Variants in ERO1B observed in about 807,000 individuals in gnomAD.
ERO1B encodes the protein endoplasmic reticulum oxidoreductase 1 beta.
A neutral mutation model predicts 75.3 loss-of-function variants in ERO1B; 49 were observed. That is an observed-to-expected ratio of 0.65 (90% confidence interval 0.52 to 0.83). The LOEUF (loss-of-function observed/expected upper bound fraction) is 0.83. Among genes scored for constraint, ERO1B ranks in the 40% least tolerant of loss-of-function variants. The pLI is 0.00. For missense variants in ERO1B, 512 were observed against 560.1 expected, an observed-to-expected ratio of 0.91 and a Z score of 0.87; for synonymous variants, 191 against 192.9, an observed-to-expected ratio of 0.99 and a Z score of 0.08.
intron 2 of ERO1B, among the ~76,000 whole-genome samples, chr1:236,269,397 A>G (rs545659366): frequency 1.3e-5 from 2 of 152,156 alleles, no homozygotes; most frequent in Non-Finnish European, 2.9e-5. Context: ...CTATTACTAG[A>G]TTTAAGAACC....
chr1:236,260,664 C>CA (rs35701591), intron 2 of ERO1B, among the ~76,000 whole-genome samples: 11,413 of 127,100 alleles, frequency 0.09, 881 homozygotes, highest in East Asian at 0.4. Flanking sequence ...GAGTTGGTCT[C>CA]AAAAAAAAAA....
rs1192823070 is a variant in ERO1B, at chr1:236,226,383, GCT to G, written c.936_937del (p.Ala313PhefsTer9). The G allele has an allele frequency of 1.2e-6, 2 of 1,613,960 alleles. No individual in the cohort carries two copies. The highest frequency in any genetic ancestry group is 2.7e-5 in the African/African-American group (2 of 74,916). On this transcript the variant is annotated frameshift_variant, in exon 12 of 16. Coordinates refer to ENST00000354619, the MANE Select transcript of ERO1B (RefSeq NM_019891.4). LOFTEE classifies it high-confidence loss of function. ...AAAATATGGAGCCACCTTTGACAAA[GCT>G]CGAAGCTCAATCAAGTATAAAAAGT...
rs764626814 is a variant in ERO1B, at chr1:236,269,949, C to A, written c.148G>T (p.Asp50Tyr). The change falls in exon 2 of 16, where the codon GAT becomes TAT. Residue 50 changes from aspartate to tyrosine, a missense_variant. By Grantham distance (160) the Asp-to-Tyr change is radical. Transcript: ENST00000354619. ...DDCLCDIDSI[D>Y]NFNTYKIFPK... ...AAGATTTTGTAGGTATTGAAGTTAT[C>A]GATGCTGTCAATATCACACAAGCAA... The A allele has an allele frequency of 6.2e-7, 1 of 1,604,236 alleles. No individual in the cohort carries two copies. The highest frequency in any genetic ancestry group is 8.5e-7 in the Non-Finnish European group (1 of 1,171,486).
chr1:236,259,028 T>C (rs1348174781), intron 2 of ERO1B, among the ~76,000 whole-genome samples: 1 of 152,028 alleles, frequency 6.6e-6, no homozygotes, highest in African/African-American at 2.4e-5. Context: ...GACAAAATAT[T>C]AAAAATAAAT....
At chr1:236,236,527 A>T in intron 6 of ERO1B, 129 bp from the exon 7 acceptor site, 2 of 879,322 alleles carry the variant, frequency 2.3e-6, no homozygotes, top group Non-Finnish European at 1.7e-6. Flanking sequence ...TCCAACTTAA[A>T]TGGTATAGTG....
In ERO1B at chr1:236,281,899, A is replaced by C; in HGVS notation, c.-116T>G. ...AGCGGCCGAGCGACTCCAGGGTCAG[A>C]GGTCTGCACTCCAGTCCGGAGGCAG... On this transcript the variant is annotated 5_prime_UTR_variant, in exon 1 of 16. Coordinates refer to ENST00000354619, the MANE Select transcript of ERO1B (RefSeq NM_019891.4). 2 of 637,024 alleles carry C rather than the reference A, an allele frequency of 3.1e-6. No individual in the cohort carries two copies. The highest frequency in any genetic ancestry group is 4.6e-6 in the Non-Finnish European group (2 of 436,394). The allele number at this position is 637,024 out of a possible 1,614,324, so 39.5% of individuals were successfully genotyped here. A position where few individuals can be genotyped will look rare whatever the true frequency, so the allele number is the denominator to read the frequency against.
intron 2 of ERO1B, among the ~76,000 whole-genome samples, chr1:236,256,231 A>G (rs1027979761): frequency 1.3e-5 from 2 of 152,120 alleles, no homozygotes; most frequent in African/African-American, 4.8e-5. Flanking sequence ...GCAACCTCTC[A>G]TTAGAAGGAG....
chr1:236,262,888 C>A lies in ERO1B; in HGVS notation c.222+6987G>T, dbSNP rs2102962175. Among the ~76,000 whole-genome samples the A allele has an allele frequency of 1.3e-5, 2 of 152,206 alleles. 1 individual carries two copies. The highest frequency in any genetic ancestry group is 4.8e-5 in the African/African-American group (2 of 41,532). On this transcript the variant is annotated intron_variant, in intron 2 of 15. Transcript: ENST00000354619. ...GGTAGACAAGCTTGGGTGAAAAGAA[C>A]CACCTTACCCAAGATTGGATCCTTA...
intron 4 of ERO1B, among the ~76,000 whole-genome samples, chr1:236,250,618 TCAAACGTGTGTGTGC>T (rs1665001832): frequency 9.1e-6 from 1 of 110,236 alleles, no homozygotes; most frequent in Non-Finnish European, 1.9e-5. Context: ...TATATATATA[TCAAACGTGTGTGTGC>T]AAACATATAT....
intron 2 of ERO1B, among the ~76,000 whole-genome samples, chr1:236,262,603 C>T (rs1665317548): frequency 6.6e-6 from 1 of 151,996 alleles, no homozygotes; most frequent in Non-Finnish European, 1.5e-5. Flanking sequence ...TGGGGTTTCA[C>T]CATGTTGGCC....
intron 2 of ERO1B, among the ~76,000 whole-genome samples, chr1:236,258,825 G>A (rs1257591791): frequency 5.9e-5 from 9 of 152,174 alleles, no homozygotes; most frequent in Non-Finnish European, 8.8e-5. Context: ...GGAGGCGGAC[G>A]TTGCAGTGAG....
intron 13 of ERO1B, among the ~76,000 whole-genome samples, chr1:236,222,581 T>TA (rs1258871005): frequency 3.9e-5 from 6 of 152,244 alleles, no homozygotes; most frequent in African/African-American, 1.4e-4. Flanking sequence ...CTATGGGAGA[T>TA]ACAAAAGTAA....
rs550043464 is a variant in ERO1B at position 236,277,962 on chromosome 1, A to T, written c.102+3720T>A. Among the ~76,000 whole-genome samples, 8 of 152,290 alleles carry T rather than the reference A, an allele frequency of 5.3e-5. No individual in the cohort carries two copies. The South Asian group carries it at 1.7e-3, about 32-fold the overall frequency. The stretch of plus-strand genomic sequence containing the variant: ...AACACATTAAACATAGTGATATTAA[A>T]TTATCTGATAATTTCAGAACCTAAG... On this transcript the variant is annotated intron_variant, in intron 1 of 15. Transcript: ENST00000354619.
At chr1:236,281,579 GGCCCGGCCCT>G (rs11281666) in intron 1 of ERO1B, 93 bp downstream of exon 1, 25 of 618,832 alleles carry the variant, frequency 4.0e-5, no homozygotes, top group East Asian at 1.4e-4. Context: ...CCTCTTTTCT[GGCCCGGCCCT>G]GCCCGGCCCT....
At chr1:236,247,518 A>C (rs1572050732) in intron 5 of ERO1B, among the ~76,000 whole-genome samples, 2 of 152,202 alleles carry the variant, frequency 1.3e-5, no homozygotes, top group East Asian at 1.9e-4. Flanking sequence ...TTAAATCACC[A>C]TAATGTCTTA....
In ERO1B at chr1:236,216,753, G is replaced by T. The variant is rs1012397323; in HGVS notation, c.*1763C>A. ...CATTTAGAGTGATAAACAAAGTGCA[G>T]ATTTTTCACATCTTAAACTCTGAGT... On this transcript the variant is annotated 3_prime_UTR_variant, in exon 16 of 16. Coordinates refer to ENST00000354619, the MANE Select transcript of ERO1B (RefSeq NM_019891.4). 6.6e-6 allele frequency: 1 copy of T among 151,968 alleles called. No homozygotes were observed. Among genetic ancestry groups the T allele is most frequent in the Non-Finnish European group, 1.5e-5 (1 of 67,928 alleles). The allele number at this position is 151,968 out of a possible 1,614,324, so 9.4% of individuals were successfully genotyped here.
chr1:236,260,679 A>AAG (rs56210816), intron 2 of ERO1B, among the ~76,000 whole-genome samples: 2 of 151,596 alleles, frequency 1.3e-5, no homozygotes, highest in Non-Finnish European at 2.9e-5. Flanking sequence ...AAAAAAAAAA[A>AAG]GACAGACAGA....
At chr1:236,231,940 A>G (rs1025948043) in intron 9 of ERO1B, among the ~76,000 whole-genome samples, 1 of 152,148 alleles carries the variant, frequency 6.6e-6, no homozygotes, top group Non-Finnish European at 1.5e-5. Flanking sequence ...AGTCTTACCT[A>G]CCACTAAAAG....
chr1:236,225,191 C>G (rs374828566), intron 12 of ERO1B, 52 bp from the exon 13 acceptor site: 1 of 1,532,398 alleles, frequency 6.5e-7, no homozygotes, highest in African/African-American at 1.4e-5. Context: ...TCCACGTACT[C>G]TGTATCAGAA....
Sources: gnomAD v4.1 joint callset for allele counts (sites outside exome capture counted in the v4.1 genomes callset) on GRCh38, gnomAD v4.1.1 for gene constraint, MANE v1.5 for transcripts, NCBI Gene and HGNC (gene_info 2026-07-23, HGNC 2026-07-21) for gene names.